Variants in HERC2 observed in about 807,000 individuals in gnomAD.
HERC2 encodes E3 ubiquitin-protein ligase HERC2.
Under a neutral mutation model 537.7 loss-of-function variants are expected in HERC2, and 102 were observed. The ratio of observed to expected loss-of-function variants is 0.19; its 90% CI spans 0.16 to 0.22. HERC2 has a LOEUF of 0.22. HERC2 is among the 10% of genes least tolerant of loss of function. The probability of loss-of-function intolerance (pLI) is 1.00; values close to 1 mark genes in which losing one functional copy is unlikely to be tolerated. For missense variants in HERC2, 4,236 were observed against 6,198.2 expected, an observed-to-expected ratio of 0.68 and a Z score of 10.63; for synonymous variants, 2,224 against 2,466.2, an observed-to-expected ratio of 0.90 and a Z score of 2.91.
In HERC2 at chr15:28,141,717, T is replaced by C; in HGVS notation, c.11816+14A>G. ...CTCACGATCGACATTACTGCTTGTT[T>C]CTAATATAATAACCTGTTCATCCAC... On this transcript the variant is annotated intron_variant, in intron 77 of 92. Transcript: ENST00000261609. The C allele has an allele frequency of 6.2e-7, 1 of 1,612,492 alleles. No homozygotes were observed. Among genetic ancestry groups the C allele is most frequent in the African/African-American group, 1.3e-5 (1 of 75,016 alleles).
intron 6 of HERC2, among the ~76,000 whole-genome samples, chr15:28,274,687 C>T (rs964896365): frequency 5.3e-5 from 8 of 152,122 alleles, no homozygotes; most frequent in African/African-American, 1.2e-4. Flanking sequence ...TAGTGGTTGA[C>T]GTGGGGGTGG....
intron 36 of HERC2, among the ~76,000 whole-genome samples, chr15:28,221,539 C>T (rs1275551933): frequency 8.4e-6 from 1 of 119,472 alleles, no homozygotes; most frequent in Admixed American, 8.9e-5. Flanking sequence ...AAGTGACTTC[C>T]ACCTGGGGGC....
Position 28,196,339 on chromosome 15 carries a change from C to T in HERC2, c.8136G>A (p.Gln2712=). Reference sequence around the variant, plus strand: ...ATCTGGATCCATTGATAGGAAACATCTGACATCCATCACACCTATTTGTAA... The same window carrying T: ...ATCTGGATCCATTGATAGGAAACATTTGACATCCATCACACCTATTTGTAA... The part of the protein sequence containing the change: ...IHPGVTCDGC[Q]MFPINGSRFK... The change falls in exon 52 of 93, where the codon CAG becomes CAA. Residue 2712 remains glutamine, a synonymous_variant. Transcript: ENST00000261609. The T allele has an allele frequency of 7.2e-7, 1 of 1,398,602 alleles. No individual in the cohort carries two copies. 86.6% of individuals were successfully genotyped at this position (1,398,602 alleles called of 1,614,324 possible). A position where few individuals can be genotyped will look rare whatever the true frequency, so the allele number is the denominator to read the frequency against.
intron 4 of HERC2, among the ~76,000 whole-genome samples, chr15:28,292,530 G>C (rs35999513): frequency 6.6e-6 from 1 of 152,072 alleles, no homozygotes; most frequent in Non-Finnish European, 1.5e-5. Flanking sequence ...ACAGTTACAC[G>C]TAGTGCCAGG....
chr15:28,158,923 G>A (rs1428073213), intron 69 of HERC2, among the ~76,000 whole-genome samples: 20 of 152,128 alleles, frequency 1.3e-4, no homozygotes, highest in Non-Finnish European at 2.2e-4. Context: ...TTCTTTTAGG[G>A]CAGGCCTGGT....
chr15:28,193,000 G>A (rs936090897), intron 52 of HERC2, among the ~76,000 whole-genome samples: 1 of 151,922 alleles, frequency 6.6e-6, no homozygotes, highest in Non-Finnish European at 1.5e-5. Flanking sequence ...ATTAAGGTAA[G>A]CCCAGATAGT....
At chr15:28,131,950 A>C in intron 81 of HERC2, 150 bp downstream of exon 81, 1 of 589,192 alleles carries the variant, frequency 1.7e-6, no homozygotes, top group Non-Finnish European at 2.9e-6. Flanking sequence ...ATTTACTGGA[A>C]CGAAGGTAAA....
chr15:28,313,209 T>TTC (rs1555460092), intron 2 of HERC2, among the ~76,000 whole-genome samples: 5,405 of 141,340 alleles, frequency 0.038, 92 homozygotes, highest in African/African-American at 0.14. Flanking sequence ...TTTTTTTTTT[T>TTC]TTGAGACAGA....
chr15:28,233,925 A>C, intron 27 of HERC2, 129 bp from the exon 28 acceptor site: 1 of 741,750 alleles, frequency 1.3e-6, no homozygotes, highest in Non-Finnish European at 2.3e-6. Flanking sequence ...ATGTTAACAC[A>C]ATCAGGTTCT....
At chr15:28,163,010 T>C in intron 69 of HERC2, 84 bp downstream of exon 69, 1 of 1,156,384 alleles carries the variant, frequency 8.6e-7, no homozygotes, top group Non-Finnish European at 1.2e-6. Context: ...TCACCGGTGA[T>C]CCATAGCAGC....
intron 48 of HERC2, among the ~76,000 whole-genome samples, chr15:28,200,111 T>C (rs1443058312): frequency 6.6e-6 from 1 of 152,030 alleles, no homozygotes; most frequent in Non-Finnish European, 1.5e-5. Context: ...AAGAAGAGAC[T>C]CCAGGATGGG....
chr15:28,305,464 T>C (rs2141240151), intron 2 of HERC2, among the ~76,000 whole-genome samples: 1 of 129,938 alleles, frequency 7.7e-6, no homozygotes, highest in Non-Finnish European at 1.7e-5. Context: ...CTGGGAAAAC[T>C]GGCTAGCCAT....
chr15:28,148,908 A>G (rs1363294882), intron 70 of HERC2, among the ~76,000 whole-genome samples: 1 of 152,030 alleles, frequency 6.6e-6, no homozygotes, highest in African/African-American at 2.4e-5. Flanking sequence ...AAATTACTGA[A>G]AAAACACACA....
At position 28,214,094 on chromosome 15, in the gene HERC2, C is replaced by T; in HGVS notation, c.6537G>A (p.Val2179=). Reference sequence around the variant, plus strand: ...AACCCACCCCTTCGGAAGGCCTTCCCACAAAGCTGTGGGTGATGGAGCGGA... The same window carrying T: ...AACCCACCCCTTCGGAAGGCCTTCCTACAAAGCTGTGGGTGATGGAGCGGA... ...SQLRSITHSF[V]GRPSEGAQLE... The change falls in exon 41 of 93, where the codon GTG becomes GTA. Residue 2179 remains valine, a synonymous_variant. Transcript: ENST00000261609. 6.2e-7 allele frequency: 1 copy of T among 1,614,188 alleles called. No individual in the cohort carries two copies. The highest frequency in any genetic ancestry group is 8.5e-7 in the Non-Finnish European group (1 of 1,180,024).
In HERC2 at chr15:28,174,210, C is replaced by A. The variant is rs566164358; in HGVS notation, c.10057+185G>T. Among the ~76,000 whole-genome samples, 571 of 151,166 alleles carry A rather than the reference C, an allele frequency of 3.8e-3. 5 individuals carry two copies. The highest frequency in any genetic ancestry group is 0.013 in the African/African-American group (545 of 41,410). On this transcript the variant is annotated intron_variant, in intron 65 of 92. Coordinates refer to ENST00000261609, the MANE Select transcript of HERC2 (RefSeq NM_004667.6). ...ACAAGAATCAGCAACATACTTTCTT[C>A]TAAAATTTTCATTCCAGCATGTATA...
rs1455208421 is a variant in HERC2, at chr15:28,113,359, C to T, written c.14020-76G>A. The T allele has an allele frequency of 1.4e-6, 2 of 1,460,492 alleles. No homozygotes were observed. The highest frequency in any genetic ancestry group is 2.3e-5 in the East Asian group (1 of 42,888). The allele number at this position is 1,460,492 out of a possible 1,614,324, so 90.5% of individuals were successfully genotyped here. ...TCCGCAAGACTCCGTCACGCTCCCT[C>T]TCTACACCAAGGCCTGTTTGGGGTG... On this transcript the variant is annotated intron_variant, in intron 91 of 92. Coordinates refer to ENST00000261609, the MANE Select transcript of HERC2 (RefSeq NM_004667.6). This position sits in a 1 kb window ranked among gnomAD's most constrained non-coding sequence, Gnocchi z 7.0.
chr15:28,149,954 A>C (rs1236273844), intron 70 of HERC2, among the ~76,000 whole-genome samples: 1 of 151,806 alleles, frequency 6.6e-6, no homozygotes, highest in Non-Finnish European at 1.5e-5. Flanking sequence ...ATTACCAAAA[A>C]ACACACACGG....
intron 6 of HERC2, 65 bp downstream of exon 6, chr15:28,274,840 A>C: frequency 7.8e-7 from 1 of 1,281,326 alleles, no homozygotes; most frequent in Non-Finnish European, 1.1e-6. Flanking sequence ...GGCTGAACCG[A>C]GTTCGAAACC....
chr15:28,160,422 C>T (rs1893468574), intron 69 of HERC2, among the ~76,000 whole-genome samples: 2 of 152,212 alleles, frequency 1.3e-5, no homozygotes, highest in African/African-American at 4.8e-5. Context: ...CTACTCAAGC[C>T]TCAGCAACGG....
Sources: allele counts gnomAD v4.1 joint callset (sites outside exome capture counted in the v4.1 genomes callset), GRCh38; gene constraint gnomAD v4.1.1; non-coding constraint Gnocchi (gnomAD v3.1); transcripts MANE v1.5; gene names NCBI Gene and HGNC (gene_info 2026-07-23, HGNC 2026-07-21).